The following RANBP2 variants were observed in gnomAD, a reference collection of about 807,000 sequenced individuals.
The protein encoded by RANBP2 is RAN binding protein 2.
A neutral mutation model predicts 303.6 loss-of-function variants in RANBP2; 57 were observed. The observed-to-expected ratio is 0.19, with a 90% CI of 0.15 to 0.23. The LOEUF (loss-of-function observed/expected upper bound fraction) is 0.23. Among genes scored for constraint, RANBP2 ranks in the 10% least tolerant of loss-of-function variants. The pLI, the probability that RANBP2 is intolerant of heterozygous loss-of-function variation, is 1.00. For missense variants in RANBP2, 3,138 were observed against 3,780.8 expected (o/e 0.83, Z 4.46); for synonymous variants, 1,167 against 1,301.5 (o/e 0.90, Z 2.23).
At chr2:108,870,952 AATG>A in the RANBP2 span, among the ~76,000 whole-genome samples, 1 of 152,330 alleles carries the variant, frequency 6.6e-6, no homozygotes, top group Non-Finnish European at 1.5e-5. Context: ...AAATGGTTAA[AATG>A]ATAAGTGTTA....
At chr2:108,800,888 T>A in the RANBP2 span, among the ~76,000 whole-genome samples, 2 of 122,062 alleles carry the variant, frequency 1.6e-5, no homozygotes, top group East Asian at 4.9e-4. Context: ...TTTGGTTTTT[T>A]GTTCTTGCGA....
chr2:109,615,167 C>T, the RANBP2 span: 14 of 1,548,966 alleles, frequency 9.0e-6, no homozygotes, highest in South Asian at 1.5e-4. Flanking sequence ...GGGGCAGCAG[C>T]CCGGGCAGCT....
chr2:109,568,013 A>G, the RANBP2 span: 4 of 1,266,380 alleles, frequency 3.2e-6, no homozygotes, highest in East Asian at 8.7e-5. Flanking sequence ...CTTACTGAGG[A>G]TTTTTTTTTT....
the RANBP2 span, among the ~76,000 whole-genome samples, chr2:109,466,133 G>A: frequency 7.6e-5 from 10 of 130,722 alleles, no homozygotes; most frequent in Admixed American, 8.2e-4. Flanking sequence ...AGGCTGGAGT[G>A]CAGCAGTGCT....
the RANBP2 span, among the ~76,000 whole-genome samples, chr2:109,509,672 A>C: frequency 1.0e-3 from 158 of 152,054 alleles, 1 homozygote; most frequent in African/African-American, 3.6e-3. Flanking sequence ...TGTCCCCTTT[A>C]AGCAATTTCT....
At chr2:109,681,349 C>T in the RANBP2 span, among the ~76,000 whole-genome samples, 2 of 152,160 alleles carry the variant, frequency 1.3e-5, no homozygotes, top group Non-Finnish European at 2.9e-5. Flanking sequence ...CATGCCTGTA[C>T]CTTGTGAAAA....
At chr2:108,907,497 A>C in the RANBP2 span, among the ~76,000 whole-genome samples, 1 of 152,054 alleles carries the variant, frequency 6.6e-6, no homozygotes, top group Non-Finnish European at 1.5e-5. Context: ...ATATAAAAAA[A>C]ATTAGCTGGG....
At chr2:109,510,334 T>G in the RANBP2 span, among the ~76,000 whole-genome samples, 4 of 152,066 alleles carry the variant, frequency 2.6e-5, no homozygotes, top group Non-Finnish European at 5.9e-5. Flanking sequence ...AGGGAATGGC[T>G]CGTATGAATG....
the RANBP2 span, among the ~76,000 whole-genome samples, chr2:108,944,714 G>A: frequency 6.6e-6 from 1 of 152,156 alleles, no homozygotes; most frequent in Non-Finnish European, 1.5e-5. Flanking sequence ...GGAGGGAGGG[G>A]CTGCAGCACC....
chr2:108,736,946 G>A (rs1315009836), intron 6 of RANBP2, among the ~76,000 whole-genome samples: 1 of 151,220 alleles, frequency 6.6e-6, no homozygotes, highest in Non-Finnish European at 1.5e-5. Context: ...CAAGGTTGGA[G>A]TTGAGTGGTT....
At chr2:109,364,467 C>T in the RANBP2 span, among the ~76,000 whole-genome samples, 1 of 152,218 alleles carries the variant, frequency 6.6e-6, no homozygotes, top group Non-Finnish European at 1.5e-5. Context: ...TGCCACATCT[C>T]AATCTGGTTC....
At chr2:108,937,548 T>G in the RANBP2 span, among the ~76,000 whole-genome samples, 1 of 151,958 alleles carries the variant, frequency 6.6e-6, no homozygotes, top group Non-Finnish European at 1.5e-5. Flanking sequence ...TGTGTGAGTG[T>G]GTGAATGTTA....
chr2:108,733,402 G>T (rs1473885308), intron 4 of RANBP2, among the ~76,000 whole-genome samples: 10 of 151,674 alleles, frequency 6.6e-5, no homozygotes, highest in Admixed American at 4.6e-4. Flanking sequence ...CAAAGTGCTG[G>T]GATTACAGGT....
chr2:108,763,021 T>A (rs555541621), intron 19 of RANBP2, among the ~76,000 whole-genome samples: 1 of 152,270 alleles, frequency 6.6e-6, no homozygotes, highest in African/African-American at 2.4e-5. Context: ...TGGGAGTTAT[T>A]TATATCCTAC....
chr2:108,951,569 A>G, the RANBP2 span, among the ~76,000 whole-genome samples: 1 of 152,134 alleles, frequency 6.6e-6, no homozygotes, highest in Non-Finnish European at 1.5e-5. Context: ...CCTATACACA[A>G]TCCTGTATAG....
the RANBP2 span, among the ~76,000 whole-genome samples, chr2:109,561,695 A>T: frequency 6.6e-6 from 1 of 151,534 alleles, no homozygotes; most frequent in Non-Finnish European, 1.5e-5. Flanking sequence ...ACACCCCTAA[A>T]CTCTCTGATT....
chr2:108,873,665 T>A, the RANBP2 span: 1 of 1,072,400 alleles, frequency 9.3e-7, no homozygotes, highest in African/African-American at 1.6e-5. Context: ...GGTTTTAATC[T>A]TTTGGCTTCC....
rs774429534 is a variant in RANBP2 at position 108,735,756 on chromosome 2, C to T, written c.630C>T (p.Thr210=). The T allele has an allele frequency of 1.8e-5, 28 of 1,597,346 alleles. 1 individual carries two copies. The African/African-American group carries it at 2.0e-4, about 11-fold the overall frequency. The stretch of plus-strand genomic sequence containing the variant: ...AATGGAATTCGTGTGTTGTACAGAC[C>T]CTTAAGGTAGATAAAAGCTATTGGG... The part of the protein sequence containing the change: ...SLEWNSCVVQ[T]LKEYLESLQC... Residue 210 remains threonine, a synonymous_variant, in exon 5 of 29, where the codon ACC becomes ACT. Coordinates refer to ENST00000283195, the MANE Select transcript of RANBP2 (RefSeq NM_006267.5).
intron 25 of RANBP2, among the ~76,000 whole-genome samples, chr2:108,781,023 T>C (rs748643073): frequency 7.2e-5 from 11 of 151,886 alleles, no homozygotes; most frequent in Non-Finnish European, 1.3e-4. Flanking sequence ...TTTTGTATTA[T>C]TAGTAGAGAT....
Sources: gnomAD v4.1 joint callset for allele counts (sites outside exome capture counted in the v4.1 genomes callset) on GRCh38, gnomAD v4.1.1 for gene constraint, MANE v1.5 for transcripts, NCBI Gene and HGNC (gene_info 2026-07-23, HGNC 2026-07-21) for gene names.